USP24: variants seen among roughly 807,000 people sequenced by gnomAD.
The protein encoded by USP24 is ubiquitin specific peptidase 24.
In USP24, 97 loss-of-function variants were observed where a neutral mutation model predicts 361.6. That is an observed-to-expected ratio of 0.27 (90% CI 0.23 to 0.32). The LOEUF (loss-of-function observed/expected upper bound fraction) is 0.32. USP24 is among the 10% of genes least tolerant of loss of function. The pLI, the probability that USP24 is intolerant of heterozygous loss-of-function variation, is 1.00. For missense variants in USP24, 2,353 were observed against 3,165.6 expected, an observed-to-expected ratio of 0.74 and a Z score of 6.16; for synonymous variants, 1,098 against 1,124.6, an observed-to-expected ratio of 0.98 and a Z score of 0.47.
rs1644947632 is a variant in USP24, at chr1:55,214,877, G to A, written c.237C>T (p.Gly79=). 2.5e-6 allele frequency: 3 copies of A among 1,222,016 alleles called. No homozygotes were observed. Among genetic ancestry groups the A allele is most frequent in the Non-Finnish European group, 3.1e-6 (3 of 975,956 alleles). 75.7% of individuals were successfully genotyped at this position (1,222,016 alleles called of 1,614,324 possible). The stretch of plus-strand genomic sequence containing the variant: ...TCCCGCCGCGGGAGGGGCCGCCGCC[G>A]CCGCCGTCACCTCCGCCGTCGCCCC... ...GPRGDGGGDG[G]GGGPSRGGST... Residue 79 remains glycine (G), a synonymous_variant, in exon 1 of 68, where the codon GGC becomes GGT. Coordinates refer to ENST00000294383, the MANE Select transcript of USP24 (RefSeq NM_015306.3).
chr1:55,083,106 G>A (rs1645184126), intron 58 of USP24, among the ~76,000 whole-genome samples, 166 bp downstream of exon 58: 1 of 152,110 alleles, frequency 6.6e-6, no homozygotes, highest in South Asian at 2.1e-4. Flanking sequence ...AGACTAAATT[G>A]TATGAAGAAG....
intron 42 of USP24, among the ~76,000 whole-genome samples, chr1:55,102,801 T>G (rs988771410): frequency 6.6e-6 from 1 of 152,226 alleles, no homozygotes; most frequent in South Asian, 2.1e-4. Context: ...CATAAGAAGT[T>G]CATTTAAATC....
At chr1:55,124,251 A>G (rs1373898658) in intron 35 of USP24, among the ~76,000 whole-genome samples, 1 of 152,178 alleles carries the variant, frequency 6.6e-6, no homozygotes, top group Admixed American at 6.5e-5. Context: ...CACTTACTCT[A>G]TGTGTTTATA....
rs1644853264 is a variant in USP24 at position 55,068,107 on chromosome 1, T to TA, written c.*937dup. 1 of 152,218 alleles carries TA rather than the reference T, an allele frequency of 6.6e-6. No individual in the cohort carries two copies. Among genetic ancestry groups the TA allele is most frequent in the Non-Finnish European group, 1.5e-5 (1 of 68,018 alleles). The allele number at this position is 152,218 out of a possible 1,614,324, so 9.4% of individuals were successfully genotyped here. ...AACCAATACCAAGGGTTTCAGTAAT[T>TA]ATGTTTTAAGCAAAAGCAAACGATT... is the stretch of plus-strand genomic sequence containing the variant. On this transcript the variant is annotated 3_prime_UTR_variant, in exon 68 of 68. Coordinates refer to ENST00000294383, the MANE Select transcript of USP24 (RefSeq NM_015306.3).
At chr1:55,163,095 A>G (rs867011765) in intron 7 of USP24, among the ~76,000 whole-genome samples, 2 of 152,138 alleles carry the variant, frequency 1.3e-5, no homozygotes, top group Middle Eastern at 3.2e-3. Context: ...TTGGAAGAAA[A>G]TAAAATTAAA....
In USP24 at chr1:55,071,494, G is replaced by A; in HGVS notation, c.7800+320C>T. 3 of 1,078,816 alleles carry A rather than the reference G, an allele frequency of 2.8e-6. No homozygotes were observed. In the African/African-American group the frequency reaches 4.9e-5, roughly 17 times the overall value. 66.8% of individuals were successfully genotyped at this position (1,078,816 alleles called of 1,614,324 possible). A position where few individuals can be genotyped will look rare whatever the true frequency, so the allele number is the denominator to read the frequency against. On this transcript the variant is annotated intron_variant, in intron 67 of 67. Coordinates refer to ENST00000294383, the MANE Select transcript of USP24 (RefSeq NM_015306.3). Reference sequence around the variant, plus strand: ...CAAACGAGGGACTTTCAGTAACCTGGCAAGGCAGAATAAAGTGAACAAGCT... The same window carrying A: ...CAAACGAGGGACTTTCAGTAACCTGACAAGGCAGAATAAAGTGAACAAGCT...
chr1:55,190,271 T>C (rs1308596689), intron 1 of USP24, among the ~76,000 whole-genome samples: 1 of 151,870 alleles, frequency 6.6e-6, no homozygotes, highest in East Asian at 1.9e-4. Context: ...GTCTTAAAAC[T>C]GGAAGCAACA....
chr1:55,088,523 C>G (rs970888690), intron 55 of USP24, among the ~76,000 whole-genome samples: 1 of 152,144 alleles, frequency 6.6e-6, no homozygotes, highest in Non-Finnish European at 1.5e-5. Flanking sequence ...GAGGATACTT[C>G]CTCTACAATA....
intron 53 of USP24, among the ~76,000 whole-genome samples, chr1:55,092,468 T>TA (rs1372545150): frequency 6.6e-6 from 1 of 152,240 alleles, no homozygotes; most frequent in Non-Finnish European, 1.5e-5. Flanking sequence ...AGTTGAAAGT[T>TA]AATCTTTAGT....
rs186986753 is a variant in USP24 at position 55,079,523 on chromosome 1, A to G, written c.7200+15T>C. 2.0e-5 allele frequency: 31 copies of G among 1,561,348 alleles called. No individual in the cohort carries two copies. The highest frequency in any genetic ancestry group is 2.6e-5 in the Non-Finnish European group (30 of 1,163,058). Reference sequence around the variant, plus strand: ...CAGGAGGGAAAAAAATGGCTTTAGAATAACAAGTACATACCTCTAACAGGT... The same window carrying G: ...CAGGAGGGAAAAAAATGGCTTTAGAGTAACAAGTACATACCTCTAACAGGT... On this transcript the variant is annotated intron_variant, in intron 60 of 67. Coordinates refer to ENST00000294383, the MANE Select transcript of USP24 (RefSeq NM_015306.3).
At chr1:55,126,378 A>C (rs1191267675) in intron 32 of USP24, among the ~76,000 whole-genome samples, 1 of 152,118 alleles carries the variant, frequency 6.6e-6, no homozygotes, top group Non-Finnish European at 1.5e-5. Flanking sequence ...CACCCTACTG[A>C]AAATCATAGC....
At chr1:55,117,531 A>G (rs1570449304) in intron 38 of USP24, among the ~76,000 whole-genome samples, 1 of 151,878 alleles carries the variant, frequency 6.6e-6, no homozygotes, top group East Asian at 1.9e-4. Flanking sequence ...GATCGAGACC[A>G]TCCTGGCTAA....
intron 20 of USP24, 88 bp from the exon 21 acceptor site, chr1:55,144,291 AC>A: frequency 2.5e-6 from 2 of 789,572 alleles, no homozygotes; most frequent in Non-Finnish European, 3.8e-6. Flanking sequence ...AAGAACTAAA[AC>A]CATAAGACTC....
chr1:55,212,802 C>T (rs1348979016), intron 1 of USP24, among the ~76,000 whole-genome samples: 1 of 152,190 alleles, frequency 6.6e-6, no homozygotes, highest in African/African-American at 2.4e-5. Context: ...GCTTCCCTCC[C>T]CCAGGCCAAA....
chr1:55,068,780 A>AT lies in USP24; in HGVS notation c.*264dup. 7 of 433,524 alleles carry AT rather than the reference A, an allele frequency of 1.6e-5. No homozygotes were observed. The highest frequency in any genetic ancestry group is 2.4e-5 in the Non-Finnish European group (6 of 245,684). 26.9% of individuals were successfully genotyped at this position (433,524 alleles called of 1,614,324 possible). On this transcript the variant is annotated 3_prime_UTR_variant, in exon 68 of 68. Transcript: ENST00000294383. Reference sequence around the variant, plus strand: ...TCTGCCACTGGCTCTATTTCCGAAAATCTCCACAGAAATGTGAATCCACAT... The same window carrying AT: ...TCTGCCACTGGCTCTATTTCCGAAAATTCTCCACAGAAATGTGAATCCACAT...
In USP24 at chr1:55,079,645, T is replaced by G. The variant is rs546984004; in HGVS notation, c.7093A>C (p.Lys2365Gln). ...SQRNVAPGIF[K>Q]QRPPISIAPS... ...GCAATGCTAATGGGTGGTCGTTGCTTAAATATGCCAGGAGCTTTAGGAGAC... is the reference window on the plus strand; with the variant it reads ...GCAATGCTAATGGGTGGTCGTTGCTGAAATATGCCAGGAGCTTTAGGAGAC... The change falls in exon 60 of 68, where the codon AAG becomes CAG. Residue 2365 changes from lysine to glutamine, a missense_variant. Physicochemically the swap from Lys to Gln is moderately conservative, Grantham distance 53. This residue lies in a region of USP24 where 598 missense variants were observed against 761.9 expected (regional missense o/e 0.78). Coordinates refer to ENST00000294383, the MANE Select transcript of USP24 (RefSeq NM_015306.3). The G allele has an allele frequency of 6.5e-7, 1 of 1,537,458 alleles. No homozygotes were observed. The highest frequency in any genetic ancestry group is 1.3e-5 in the South Asian group (1 of 76,616).
intron 1 of USP24, among the ~76,000 whole-genome samples, chr1:55,199,588 AGTGTGTGT>A (rs55710750): frequency 0.015 from 2,150 of 146,216 alleles, 47 homozygotes; most frequent in Admixed American, 0.05. Flanking sequence ...GTTCAGAAAA[AGTGTGTGT>A]GTGTGTGTGT....
intron 28 of USP24, among the ~76,000 whole-genome samples, chr1:55,137,167 T>C (rs74073045): frequency 0.04 from 6,133 of 152,224 alleles, 396 homozygotes; most frequent in African/African-American, 0.14. Context: ...ATCACACGTA[T>C]CAGCTTCAAT....
intron 16 of USP24, among the ~76,000 whole-genome samples, chr1:55,151,745 C>T (rs933261463): frequency 1.3e-5 from 2 of 151,840 alleles, no homozygotes; most frequent in Non-Finnish European, 2.9e-5. Context: ...GGGTACCCTG[C>T]AGAATCTACA....
Sources: gnomAD v4.1 joint callset for allele counts (sites outside exome capture counted in the v4.1 genomes callset) on GRCh38, gnomAD v4.1.1 for gene constraint, gnomAD v4.1.1 regional missense constraint, MANE v1.5 for transcripts, NCBI Gene and HGNC (gene_info 2026-07-23, HGNC 2026-07-21) for gene names.